The following CACNA1B variants were observed in gnomAD, a reference collection of about 807,000 sequenced individuals.
The protein encoded by CACNA1B is calcium voltage-gated channel subunit alpha1 B.
Under a neutral mutation model 247.2 loss-of-function variants are expected in CACNA1B, and 70 were observed. The ratio of observed to expected loss-of-function variants is 0.28; its 90% CI spans 0.23 to 0.35. The LOEUF is 0.35. Among genes scored for constraint, CACNA1B ranks in the 10% least tolerant of loss-of-function variants. The pLI is 1.00. For synonymous variants in CACNA1B, 1,231 were observed against 1,294.4 expected (o/e 0.95, Z 1.05); for missense variants, 2,367 against 3,197.4 (o/e 0.74, Z 6.26).
At chr9:138,002,596 A>G (rs555951360) in intron 15 of CACNA1B, among the ~76,000 whole-genome samples, 67 of 151,380 alleles carry the variant, frequency 4.4e-4, no homozygotes, top group African/African-American at 1.5e-3. Flanking sequence ...AGTCCCAGCT[A>G]CGTGGGAGAC....
In CACNA1B at chr9:138,011,438, G is replaced by C. The variant is rs940046315; in HGVS notation, c.2160+1361G>C. On this transcript the variant is annotated intron_variant, in intron 17 of 46. Coordinates refer to ENST00000371372, the MANE Select transcript of CACNA1B (RefSeq NM_000718.4). This position sits in a 1 kb window ranked among gnomAD's most constrained non-coding sequence, Gnocchi z 4.2. ...GATCGGGGCCACTGGGGGCCTGTCT[G>C]TGTCTGGCTGTGGGCATTTTTCTGG... Among the ~76,000 whole-genome samples the C allele has an allele frequency of 1.3e-5, 2 of 152,216 alleles. No homozygotes were observed. The highest frequency in any genetic ancestry group is 2.9e-5 in the Non-Finnish European group (2 of 68,040).
intron 6 of CACNA1B, among the ~76,000 whole-genome samples, chr9:137,942,784 T>C (rs1164957503): frequency 1.3e-5 from 2 of 152,172 alleles, no homozygotes; most frequent in Non-Finnish European, 2.9e-5. Flanking sequence ...TGCAAAGGCA[T>C]GAGAATGACA....
intron 20 of CACNA1B, among the ~76,000 whole-genome samples, chr9:138,025,411 G>A (rs760519423): frequency 3.3e-5 from 5 of 152,192 alleles, no homozygotes; most frequent in Non-Finnish European, 5.9e-5. Flanking sequence ...ATATTTGCAC[G>A]TTGCCAACTA....
chr9:137,950,045 A>G lies in CACNA1B; in HGVS notation c.967-2229A>G, dbSNP rs1957861440. ...ATGGGACCTTGGATCTCAGTTAAGC[A>G]TTCTGCGTTGGCTGTCAGGGAAGGA... On this transcript the variant is annotated intron_variant, in intron 6 of 46. Transcript: ENST00000371372. The surrounding 1 kb of genome is among the most constrained non-coding windows in gnomAD (Gnocchi z 4.8). Among the ~76,000 whole-genome samples, 1 of 152,194 alleles carries G rather than the reference A, an allele frequency of 6.6e-6. No homozygotes were observed. Among genetic ancestry groups the G allele is most frequent in the Non-Finnish European group, 1.5e-5 (1 of 68,028 alleles).
intron 22 of CACNA1B, 45 bp downstream of exon 22, chr9:138,047,078 G>T (rs199523269): frequency 6.4e-7 from 1 of 1,559,662 alleles, no homozygotes; most frequent in Non-Finnish European, 8.7e-7. Context: ...TGTGGCGGGG[G>T]AGCTGGGTGC....
chr9:137,939,862 T>G (rs973993270), intron 6 of CACNA1B, among the ~76,000 whole-genome samples: 1 of 150,402 alleles, frequency 6.6e-6, no homozygotes, highest in East Asian at 1.9e-4. Flanking sequence ...AAAAATAAAA[T>G]TCTTCGAACT....
chr9:138,065,894 A>G (rs1303164063), intron 31 of CACNA1B, among the ~76,000 whole-genome samples: 1 of 152,052 alleles, frequency 6.6e-6, no homozygotes, highest in Non-Finnish European at 1.5e-5. Flanking sequence ...AGCAGTTTTA[A>G]TGCTACAGCA....
At chr9:137,928,320 T>C (rs1427557005) in intron 6 of CACNA1B, among the ~76,000 whole-genome samples, 1 of 152,152 alleles carries the variant, frequency 6.6e-6, no homozygotes, top group Non-Finnish European at 1.5e-5. Context: ...ATGGTCTCGA[T>C]CTCTTGACTT....
rs1961219069 is a variant in CACNA1B, at chr9:138,100,570, A to G, written c.5223-2141A>G. Among the ~76,000 whole-genome samples the G allele has an allele frequency of 6.6e-6, 1 of 152,150 alleles. No homozygotes were observed. Among genetic ancestry groups the G allele is most frequent in the Non-Finnish European group, 1.5e-5 (1 of 68,018 alleles). Reference sequence around the variant, plus strand: ...TGGAGCTGATTGGACCGAGGGGGCTACACTGTAGGAGAGAGGAGCATTGGT... The same window carrying G: ...TGGAGCTGATTGGACCGAGGGGGCTGCACTGTAGGAGAGAGGAGCATTGGT... On this transcript the variant is annotated intron_variant, in intron 37 of 46. Coordinates refer to ENST00000371372, the MANE Select transcript of CACNA1B (RefSeq NM_000718.4). This position sits in a 1 kb window ranked among gnomAD's most constrained non-coding sequence, Gnocchi z 4.6.
chr9:137,880,615 G>T lies in CACNA1B; in HGVS notation c.390+1456G>T, dbSNP rs1215815389. On this transcript the variant is annotated intron_variant, in intron 2 of 46. Transcript: ENST00000371372. The surrounding 1 kb of genome is among the most constrained non-coding windows in gnomAD (Gnocchi z 4.8). ...GCAGGTGTGGGAGGGTTTACTTTGT[G>T]GTCATAGGTTGGGGAGGACACTTCT... 6.6e-6 allele frequency among the ~76,000 whole-genome samples: 1 copy of T among 152,164 alleles called. No individual in the cohort carries two copies. Among genetic ancestry groups the T allele is most frequent in the Non-Finnish European group, 1.5e-5 (1 of 68,012 alleles).
At chr9:137,923,529 A>G (rs779282635) in intron 6 of CACNA1B, among the ~76,000 whole-genome samples, 5 of 151,680 alleles carry the variant, frequency 3.3e-5, no homozygotes, top group East Asian at 1.9e-4. Flanking sequence ...GGTGCCAGGT[A>G]GTATTCCGTG....
rs1469265052 is a variant in CACNA1B at position 137,955,025 on chromosome 9, A to G, written c.1071-673A>G. Among the ~76,000 whole-genome samples, 3 of 152,028 alleles carry G rather than the reference A, an allele frequency of 2.0e-5. No individual in the cohort carries two copies. Among genetic ancestry groups the G allele is most frequent in the African/African-American group, 4.8e-5 (2 of 41,374 alleles). ...GGGCAAGTGTTCTCTGCTGGTCACC[A>G]TGACGGCTGTGAAGGCTCAGGCGGG... is the stretch of plus-strand genomic sequence containing the variant. On this transcript the variant is annotated intron_variant, in intron 7 of 46. Transcript: ENST00000371372. The surrounding 1 kb of genome is among the most constrained non-coding windows in gnomAD (Gnocchi z 6.9).
intron 36 of CACNA1B, among the ~76,000 whole-genome samples, chr9:138,079,789 C>T (rs551075439): frequency 3.4e-5 from 5 of 148,176 alleles, no homozygotes; most frequent in South Asian, 2.2e-4. Flanking sequence ...ACAGGAGACT[C>T]GCTAGAACCC....
intron 37 of CACNA1B, among the ~76,000 whole-genome samples, chr9:138,099,037 G>T (rs914312459): frequency 6.6e-6 from 1 of 152,228 alleles, no homozygotes; most frequent in Non-Finnish European, 1.5e-5. Context: ...TTTCCCAGGG[G>T]ACCACTCTAT....
chr9:137,975,576 G>T (rs1354424605), intron 11 of CACNA1B, among the ~76,000 whole-genome samples: 1 of 152,164 alleles, frequency 6.6e-6, no homozygotes, highest in Non-Finnish European at 1.5e-5. Flanking sequence ...ATAGCCCCAG[G>T]ACCTCCTCTG....
intron 36 of CACNA1B, 31 bp downstream of exon 36, chr9:138,078,289 G>A: frequency 6.2e-7 from 1 of 1,609,066 alleles, no homozygotes; most frequent in South Asian, 1.1e-5. Flanking sequence ...CCCTCCCAGT[G>A]CCACGTCTTG....
Position 137,954,751 on chromosome 9 carries a change from GGC to G in CACNA1B, c.1071-946_1071-945del, listed in dbSNP as rs1290062436. Among the ~76,000 whole-genome samples, 2 of 152,106 alleles carry G rather than the reference GGC, an allele frequency of 1.3e-5. No individual in the cohort carries two copies. The highest frequency in any genetic ancestry group is 2.9e-5 in the Non-Finnish European group (2 of 68,004). On this transcript the variant is annotated intron_variant, in intron 7 of 46. Coordinates refer to ENST00000371372, the MANE Select transcript of CACNA1B (RefSeq NM_000718.4). This position sits in a 1 kb window ranked among gnomAD's most constrained non-coding sequence, Gnocchi z 4.1. ...AGCAGCTCAGTGCCTAGCGGACACTGGCCCTGCGCCCAGGGTCAGTCACGGTC... is the reference window on the plus strand; with the variant it reads ...AGCAGCTCAGTGCCTAGCGGACACTGCCTGCGCCCAGGGTCAGTCACGGTC...
chr9:137,975,244 G>A (rs1187998607), intron 11 of CACNA1B, among the ~76,000 whole-genome samples: 1 of 152,150 alleles, frequency 6.6e-6, no homozygotes, highest in Non-Finnish European at 1.5e-5. Flanking sequence ...TGCTGTGCCC[G>A]CAGGAACCTC....
At position 137,957,724 on chromosome 9, in the gene CACNA1B, T is replaced by A. The variant is rs1957965935; in HGVS notation, c.1333+37T>A. 3 of 1,441,556 alleles carry A rather than the reference T, an allele frequency of 2.1e-6. No individual in the cohort carries two copies. The Admixed American group carries it at 6.4e-5, about 31-fold the overall frequency. The allele number at this position is 1,441,556 out of a possible 1,614,324, so 89.3% of individuals were successfully genotyped here. ...GGTGTCCCTCCAGCTCTGCCAGGCTTGAGCTGGACATGGAGTGCATGCTCC... is the reference window on the plus strand; with the variant it reads ...GGTGTCCCTCCAGCTCTGCCAGGCTAGAGCTGGACATGGAGTGCATGCTCC... On this transcript the variant is annotated intron_variant, in intron 10 of 46. Transcript: ENST00000371372. The surrounding 1 kb of genome is among the most constrained non-coding windows in gnomAD (Gnocchi z 4.7).
Sources: gnomAD v4.1 joint callset for allele counts (sites outside exome capture counted in the v4.1 genomes callset) on GRCh38, gnomAD v4.1.1 for gene constraint, Gnocchi (gnomAD v3.1) non-coding constraint, MANE v1.5 for transcripts, NCBI Gene and HGNC (gene_info 2026-07-23, HGNC 2026-07-21) for gene names.